Variants in FRAS1 observed in about 807,000 individuals in gnomAD.
FRAS1 encodes Fraser extracellular matrix complex subunit 1, also known as extracellular matrix organizing protein FRAS1.
In FRAS1, 290 loss-of-function variants were observed where a neutral mutation model predicts 435.2. That is an observed-to-expected ratio of 0.67 (90% CI 0.61 to 0.73). The LOEUF is 0.73. Among genes scored for constraint, FRAS1 ranks in the 30% least tolerant of loss-of-function variants. The pLI is 0.00. For missense variants in FRAS1, 4,860 were observed against 5,001.5 expected (o/e 0.97, Z 0.85); for synonymous variants, 1,800 against 1,851.0 (o/e 0.97, Z 0.71).
At chr4:78,483,932 T>A (rs1720093932) in intron 58 of FRAS1, among the ~76,000 whole-genome samples, 1 of 151,734 alleles carries the variant, frequency 6.6e-6, no homozygotes, top group Non-Finnish European at 1.5e-5. Flanking sequence ...AAGTCCATCG[T>A]CCTTAGTGTA....
At chr4:78,325,744 A>G (rs1729692366) in intron 18 of FRAS1, among the ~76,000 whole-genome samples, 1 of 152,248 alleles carries the variant, frequency 6.6e-6, no homozygotes, top group South Asian at 2.1e-4. Context: ...CACATGCCAT[A>G]ATAGCAGTAG....
intron 9 of FRAS1, among the ~76,000 whole-genome samples, chr4:78,271,285 T>A (rs952007867): frequency 2.0e-5 from 3 of 148,052 alleles, no homozygotes; most frequent in East Asian, 2.0e-4. Flanking sequence ...CTTTTTTTTT[T>A]ATCACAAACA....
intron 2 of FRAS1, among the ~76,000 whole-genome samples, chr4:78,096,749 C>T (rs949358982): frequency 6.6e-6 from 1 of 152,214 alleles, no homozygotes; most frequent in African/African-American, 2.4e-5. Flanking sequence ...GCAAGTGGAC[C>T]CTGGGCCTGG....
intron 9 of FRAS1, among the ~76,000 whole-genome samples, chr4:78,271,181 A>G (rs1726658299): frequency 1.3e-5 from 2 of 152,316 alleles, no homozygotes; most frequent in Admixed American, 6.5e-5. Context: ...ATGCAAATTT[A>G]TATTATTCAT....
intron 2 of FRAS1, among the ~76,000 whole-genome samples, chr4:78,126,338 C>G (rs763729170): frequency 6.6e-6 from 1 of 152,166 alleles, no homozygotes; most frequent in Non-Finnish European, 1.5e-5. Context: ...AGGGAAATCC[C>G]CTGACCCCTT....
At chr4:78,216,595 G>A (rs1445430348) in intron 2 of FRAS1, among the ~76,000 whole-genome samples, 1 of 152,190 alleles carries the variant, frequency 6.6e-6, no homozygotes, top group Non-Finnish European at 1.5e-5. Flanking sequence ...TCATTCCACA[G>A]ATATCTGCAG....
chr4:78,516,804 G>T (rs1721228571), intron 66 of FRAS1, among the ~76,000 whole-genome samples: 1 of 152,146 alleles, frequency 6.6e-6, no homozygotes, highest in African/African-American at 2.4e-5. Flanking sequence ...ACAGCATGAG[G>T]GAAACCACCC....
intron 58 of FRAS1, among the ~76,000 whole-genome samples, chr4:78,485,340 A>G (rs1720137413): frequency 6.6e-6 from 1 of 152,194 alleles, no homozygotes. Flanking sequence ...TAGAGTCCTC[A>G]CTGATCAACA....
Position 78,470,091 on chromosome 4 carries a change from G to A in FRAS1, c.7371G>A (p.Lys2457=). ...AGTGGCTGGAATACATGGATGGCAA[G>A]GTAAGGCCTGTCCCTCTGTCATGTT... ...GLQWLEYMDG[K]ATNLITKKEL... Residue 2457 remains lysine (K), a splice_region_variant and synonymous_variant, in exon 51 of 74, where the codon AAG becomes AAA. Coordinates refer to ENST00000512123, the MANE Select transcript of FRAS1 (RefSeq NM_025074.7). The A allele has an allele frequency of 6.2e-7, 1 of 1,601,278 alleles. No homozygotes were observed.
At chr4:78,409,735 CTA>C (rs1733260528) in intron 31 of FRAS1, among the ~76,000 whole-genome samples, 1 of 152,124 alleles carries the variant, frequency 6.6e-6, no homozygotes, top group South Asian at 2.1e-4. Flanking sequence ...GAGAAAATAT[CTA>C]TGTTTATGGG....
intron 5 of FRAS1, among the ~76,000 whole-genome samples, chr4:78,253,219 TA>T (rs1725629980): frequency 1.3e-5 from 2 of 152,122 alleles, no homozygotes; most frequent in African/African-American, 4.8e-5. Context: ...GAAGAAAAAA[TA>T]TGGCTCTATT....
intron 2 of FRAS1, among the ~76,000 whole-genome samples, chr4:78,157,017 G>A (rs1327436554): frequency 6.6e-6 from 1 of 152,170 alleles, no homozygotes; most frequent in Non-Finnish European, 1.5e-5. Context: ...TGTTTGCTCT[G>A]TGGAAGTTTC....
chr4:78,304,396 T>A (rs1334512178), intron 14 of FRAS1, among the ~76,000 whole-genome samples: 1 of 152,224 alleles, frequency 6.6e-6, no homozygotes, highest in Admixed American at 6.5e-5. Flanking sequence ...GAATTTCCTC[T>A]TTTTCTATTG....
intron 22 of FRAS1, 29 bp from the exon 23 acceptor site, chr4:78,369,809 C>G: frequency 1.3e-6 from 2 of 1,595,464 alleles, no homozygotes; most frequent in Non-Finnish European, 1.7e-6. Flanking sequence ...TTGTAATCAT[C>G]TGGTCATTTT....
intron 22 of FRAS1, among the ~76,000 whole-genome samples, chr4:78,369,262 C>T (rs1401881424): frequency 6.7e-6 from 1 of 150,192 alleles, no homozygotes; most frequent in Non-Finnish European, 1.5e-5. Flanking sequence ...GGAGAAATGC[C>T]AGTTGTTAAA....
intron 20 of FRAS1, among the ~76,000 whole-genome samples, chr4:78,346,811 C>G (rs1026748426): frequency 8.5e-5 from 13 of 152,138 alleles, no homozygotes; most frequent in South Asian, 2.1e-4. Context: ...AGCTCCTCCC[C>G]CAGTGTCCCA....
intron 20 of FRAS1, among the ~76,000 whole-genome samples, chr4:78,358,606 A>G (rs1463299982): frequency 6.6e-6 from 1 of 152,294 alleles, no homozygotes; most frequent in South Asian, 2.1e-4. Context: ...AATAATTAAT[A>G]TTTTGCCCAA....
intron 3 of FRAS1, 96 bp from the exon 4 acceptor site, chr4:78,245,137 G>T: frequency 1.2e-6 from 1 of 830,652 alleles, no homozygotes; most frequent in South Asian, 1.4e-5. Flanking sequence ...AAACGCATGA[G>T]ATTTAGTGAA....
intron 58 of FRAS1, among the ~76,000 whole-genome samples, chr4:78,488,170 A>T (rs1720230798): frequency 6.6e-6 from 1 of 152,216 alleles, no homozygotes; most frequent in Admixed American, 6.5e-5. Flanking sequence ...GTGGTCACAG[A>T]CTGGAACCCT....
Sources: gnomAD v4.1 joint callset for allele counts (sites outside exome capture counted in the v4.1 genomes callset) on GRCh38, gnomAD v4.1.1 for gene constraint, MANE v1.5 for transcripts, NCBI Gene and HGNC (gene_info 2026-07-23, HGNC 2026-07-21) for gene names.